The following JAKMIP3 variants were observed in gnomAD, a reference collection of about 807,000 sequenced individuals.
The protein encoded by JAKMIP3 is Janus kinase and microtubule interacting protein 3.
A neutral mutation model predicts 118.5 loss-of-function variants in JAKMIP3; 58 were observed. The ratio of observed to expected loss-of-function variants is 0.49; its 90% CI spans 0.40 to 0.61. The LOEUF is 0.61. Among genes scored for constraint, JAKMIP3 ranks in the 20% least tolerant of loss-of-function variants. The pLI is 0.00. For synonymous variants in JAKMIP3, 486 were observed against 451.2 expected, an observed-to-expected ratio of 1.08 and a Z score of -0.98; for missense variants, 950 against 1,109.0, an observed-to-expected ratio of 0.86 and a Z score of 2.04.
intron 1 of JAKMIP3, among the ~76,000 whole-genome samples, chr10:132,085,786 A>G (rs2042326435): frequency 6.6e-6 from 1 of 152,212 alleles, no homozygotes; most frequent in Non-Finnish European, 1.5e-5. Context: ...GGCGTGAGCC[A>G]CTGCACCTGG....
At chr10:132,150,920 C>G (rs572112162) in intron 16 of JAKMIP3, among the ~76,000 whole-genome samples, 1 of 152,048 alleles carries the variant, frequency 6.6e-6, no homozygotes, top group Admixed American at 6.5e-5. Context: ...TCCATTTATC[C>G]ATCATCCACA....
In JAKMIP3 at chr10:132,168,147, T is replaced by C. The variant is rs1230079818; in HGVS notation, c.*217T>C. ...GGGATGTGCCAGAACTAGAACTGGC[T>C]CTGCCGACTTCTCGGGGGCTTCTCC... On this transcript the variant is annotated 3_prime_UTR_variant, in exon 23 of 24. Transcript: ENST00000684848. 2 of 1,286,052 alleles carry C rather than the reference T, an allele frequency of 1.6e-6. No homozygotes were observed. Among genetic ancestry groups the C allele is most frequent in the Non-Finnish European group, 2.0e-6 (2 of 986,640 alleles). The allele number at this position is 1,286,052 out of a possible 1,614,324, so 79.7% of individuals were successfully genotyped here. A position where few individuals can be genotyped will look rare whatever the true frequency, so the allele number is the denominator to read the frequency against.
chr10:132,092,060 G>T (rs774243188), intron 1 of JAKMIP3, among the ~76,000 whole-genome samples: 2 of 132,528 alleles, frequency 1.5e-5, no homozygotes, highest in African/African-American at 6.2e-5. Flanking sequence ...TGAAATTCTG[G>T]GTTGAAAATT....
At chr10:132,154,016 C>T (rs770309997) in intron 19 of JAKMIP3, 26 bp downstream of exon 19, 2 of 1,608,646 alleles carry the variant, frequency 1.2e-6, no homozygotes, top group East Asian at 4.5e-5. Context: ...CTGCTGGAAC[C>T]CCGGGGAGGG....
chr10:132,130,987 TGGGGGCAGGCAAGTC>T (rs950388458), intron 3 of JAKMIP3, among the ~76,000 whole-genome samples: 7 of 142,776 alleles, frequency 4.9e-5, no homozygotes, highest in Admixed American at 4.2e-4. Flanking sequence ...GGGGCATGCT[TGGGGGCAGGCAAGTC>T]GGGGGCGGGC....
intron 1 of JAKMIP3, among the ~76,000 whole-genome samples, chr10:132,042,207 C>CTTCCTTCCTTCCTTCCTTCT (rs1564848113): frequency 2.0e-5 from 3 of 150,178 alleles, no homozygotes; most frequent in Non-Finnish European, 2.9e-5. Context: ...TCCTTCCTTC[C>CTTCCTTCCTTCCTTCCTTCT]TTCCTTCCTT....
rs796250654 is a variant in JAKMIP3, at chr10:132,082,130, A to C, written c.-138+16069A>C. Reference sequence around the variant, plus strand: ...TCCCATTGACCAAACCCAACCTGGTAATTCTTGATTAGATGCCAGACATTG... The same window carrying C: ...TCCCATTGACCAAACCCAACCTGGTCATTCTTGATTAGATGCCAGACATTG... On this transcript the variant is annotated intron_variant, in intron 1 of 23. Coordinates refer to ENST00000684848, the MANE Select transcript of JAKMIP3 (RefSeq NM_001323087.2). Among the ~76,000 whole-genome samples, 44 of 146,804 alleles carry C rather than the reference A, an allele frequency of 3.0e-4. 1 individual carries two copies. Among genetic ancestry groups the C allele is most frequent in the African/African-American group, 1.1e-3 (43 of 39,804 alleles).
chr10:132,093,197 G>T (rs565940126), intron 1 of JAKMIP3, among the ~76,000 whole-genome samples: 40 of 152,328 alleles, frequency 2.6e-4, no homozygotes, highest in African/African-American at 9.4e-4. Context: ...GTGCCTCCCA[G>T]TTAGGCTACT....
At chr10:132,173,265 T>G (rs1027085285) in intron 23 of JAKMIP3, among the ~76,000 whole-genome samples, 7 of 134,510 alleles carry the variant, frequency 5.2e-5, no homozygotes, top group African/African-American at 2.0e-4. Context: ...AACCACAAGT[T>G]CTTAGTGATG....
At chr10:132,099,618 CCGACTAACAGGCT>C (rs2044510465) in intron 1 of JAKMIP3, among the ~76,000 whole-genome samples, 1 of 152,144 alleles carries the variant, frequency 6.6e-6, no homozygotes, top group African/African-American at 2.4e-5. Flanking sequence ...TGGGTTTTCC[CCGACTAACAGGCT>C]CAGGACCCTT....
In JAKMIP3 at chr10:132,163,296, C is replaced by T. The variant is rs142668761; in HGVS notation, c.2308C>T (p.Arg770Cys). 2.0e-4 allele frequency: 320 copies of T among 1,603,308 alleles called. No homozygotes were observed. The African/African-American group carries it at 3.7e-3, about 18-fold the overall frequency. Reference sequence around the variant, plus strand: ...GGCTGAGCTGCTGTCAGAGGAGGAGCGCGAGAAGCTCAAGGTGGCCGTGGA... The same window carrying T: ...GGCTGAGCTGCTGTCAGAGGAGGAGTGCGAGAAGCTCAAGGTGGCCGTGGA... ...KVAELLSEEE[R>C]EKLKVAVEQW... Residue 770 changes from arginine to cysteine, a missense_variant, in exon 20 of 24, where the codon CGC becomes TGC. Transcript: ENST00000684848.
intron 1 of JAKMIP3, among the ~76,000 whole-genome samples, chr10:132,081,024 C>T (rs1263658825): frequency 6.6e-6 from 1 of 152,156 alleles, no homozygotes; most frequent in Non-Finnish European, 1.5e-5. Context: ...AGAGATCATC[C>T]CCTAAGTGTC....
chr10:132,129,688 C>A (rs888272666), intron 3 of JAKMIP3, among the ~76,000 whole-genome samples: 1 of 152,114 alleles, frequency 6.6e-6, no homozygotes, highest in Admixed American at 6.5e-5. Flanking sequence ...CTGTGGACAG[C>A]GGTCGCAGGG....
At chr10:132,126,458 G>T (rs778144994) in intron 3 of JAKMIP3, among the ~76,000 whole-genome samples, 5 of 151,980 alleles carry the variant, frequency 3.3e-5, no homozygotes, top group Non-Finnish European at 7.4e-5. Flanking sequence ...ACATGCTGCC[G>T]TACCTGGCTA....
At chr10:132,170,460 C>T (rs982374364) in intron 23 of JAKMIP3, among the ~76,000 whole-genome samples, 2 of 152,164 alleles carry the variant, frequency 1.3e-5, no homozygotes, top group South Asian at 2.1e-4. Flanking sequence ...TGCTAAGCCC[C>T]GAGCAGGTTC....
intron 21 of JAKMIP3, among the ~76,000 whole-genome samples, 172 bp downstream of exon 21, chr10:132,164,907 C>T (rs891579411): frequency 5.3e-5 from 8 of 152,166 alleles, no homozygotes; most frequent in African/African-American, 1.7e-4. Context: ...CTGAGCTGGG[C>T]GGAGCTGAGC....
intron 1 of JAKMIP3, among the ~76,000 whole-genome samples, chr10:132,085,731 C>T (rs1323311854): frequency 6.6e-6 from 1 of 152,164 alleles, no homozygotes; most frequent in Non-Finnish European, 1.5e-5. Flanking sequence ...GAACTCCTGA[C>T]CTCGTGATCC....
At chr10:132,145,238 A>G in intron 12 of JAKMIP3, 48 bp downstream of exon 12, 1 of 1,457,422 alleles carries the variant, frequency 6.9e-7, no homozygotes, top group Non-Finnish European at 9.5e-7. Flanking sequence ...CGTGGGTGGG[A>G]GGTATTTGGC....
chr10:132,048,897 C>G (rs1302559416), intron 1 of JAKMIP3, among the ~76,000 whole-genome samples: 1 of 152,280 alleles, frequency 6.6e-6, no homozygotes, highest in South Asian at 2.1e-4. Context: ...GCCTTCGCCT[C>G]CCAAAGTGCT....
Sources: gnomAD v4.1 joint callset for allele counts (sites outside exome capture counted in the v4.1 genomes callset) on GRCh38, gnomAD v4.1.1 for gene constraint, MANE v1.5 for transcripts, NCBI Gene and HGNC (gene_info 2026-07-23, HGNC 2026-07-21) for gene names.